BIRC6: variants seen among roughly 807,000 people sequenced by gnomAD.
BIRC6 encodes dual E2 ubiquitin-conjugating enzyme/E3 ubiquitin-protein ligase BIRC6.
In BIRC6, 98 loss-of-function variants were observed where a neutral mutation model predicts 503.3. That is an observed-to-expected ratio of 0.19 (90% CI 0.17 to 0.23). The LOEUF (loss-of-function observed/expected upper bound fraction) is 0.23, where lower values mean the gene tolerates loss of function less well. Among genes scored for constraint, BIRC6 ranks in the 10% least tolerant of loss-of-function variants. The pLI, the probability that BIRC6 is intolerant of heterozygous loss-of-function variation, is 1.00. For missense variants in BIRC6, 5,360 were observed against 5,806.0 expected (o/e 0.92, Z 2.50); for synonymous variants, 2,240 against 2,078.7 (o/e 1.08, Z -2.11).
rs1279549020 is a variant in BIRC6, at chr2:32,607,651, C to G, written c.14259+8C>G. ...TCACCATGTTTTAAAGAGGTATGTTCAATAAAATTAGTGAAATACTTTGTT... is the reference window on the plus strand; with the variant it reads ...TCACCATGTTTTAAAGAGGTATGTTGAATAAAATTAGTGAAATACTTTGTT... On this transcript the variant is annotated splice_region_variant and intron_variant, in intron 72 of 73. Coordinates refer to ENST00000421745, the MANE Select transcript of BIRC6 (RefSeq NM_016252.4). The G allele has an allele frequency of 6.3e-7, 1 of 1,587,836 alleles. No homozygotes were observed. The highest frequency in any genetic ancestry group is 8.6e-7 in the Non-Finnish European group (1 of 1,163,622).
chr2:32,414,619 AT>A (rs1298456387), intron 9 of BIRC6, 149 bp from the exon 10 acceptor site: 1 of 518,798 alleles, frequency 1.9e-6, no homozygotes, highest in Non-Finnish European at 3.0e-6. Context: ...GTGAGCCGAA[AT>A]TGCACCACTG....
intron 8 of BIRC6, among the ~76,000 whole-genome samples, chr2:32,405,571 C>G (rs2041109802): frequency 1.3e-5 from 2 of 152,054 alleles, no homozygotes; most frequent in African/African-American, 4.8e-5. Context: ...CTTTGGGAGA[C>G]CGAGGCGGGA....
intron 71 of BIRC6, among the ~76,000 whole-genome samples, chr2:32,603,410 T>A (rs934429125): frequency 6.6e-6 from 1 of 152,150 alleles, no homozygotes; most frequent in Non-Finnish European, 1.5e-5. Flanking sequence ...CTCTTACAGT[T>A]GTGCAGATGC....
chr2:32,595,489 A>G (rs1366921471), intron 68 of BIRC6, among the ~76,000 whole-genome samples: 1 of 152,206 alleles, frequency 6.6e-6, no homozygotes, highest in Non-Finnish European at 1.5e-5. Context: ...TAAGTCTGTT[A>G]CTCTTGCCAT....
At chr2:32,452,323 CA>C (rs778256371) in intron 22 of BIRC6, among the ~76,000 whole-genome samples, 8 of 151,922 alleles carry the variant, frequency 5.3e-5, no homozygotes, top group Non-Finnish European at 1.0e-4. Context: ...CTTCAGAAAA[CA>C]GTTATTTTTC....
chr2:32,392,590 A>C (rs568254922), intron 5 of BIRC6, among the ~76,000 whole-genome samples: 58 of 152,246 alleles, frequency 3.8e-4, no homozygotes, highest in African/African-American at 1.3e-3. Context: ...TATTTTCTTT[A>C]AGATTAGATA....
At chr2:32,440,146 G>C (rs976264637) in intron 16 of BIRC6, among the ~76,000 whole-genome samples, 1 of 152,184 alleles carries the variant, frequency 6.6e-6, no homozygotes, top group African/African-American at 2.4e-5. Context: ...TCAAAGTGCT[G>C]GGGTTACAGG....
intron 45 of BIRC6, among the ~76,000 whole-genome samples, chr2:32,497,850 G>A (rs2052658472): frequency 6.6e-6 from 1 of 151,902 alleles, no homozygotes; most frequent in Admixed American, 6.6e-5. Context: ...TCTAATACAA[G>A]CATTTGACAA....
chr2:32,417,227 G>T (rs763458678), intron 10 of BIRC6, among the ~76,000 whole-genome samples: 5 of 152,118 alleles, frequency 3.3e-5, no homozygotes, highest in Non-Finnish European at 5.9e-5. Flanking sequence ...CCTCCTGGGT[G>T]CAAGTAGTCC....
At chr2:32,509,247 A>G (rs1203337908) in intron 51 of BIRC6, among the ~76,000 whole-genome samples, 1 of 151,986 alleles carries the variant, frequency 6.6e-6, no homozygotes, top group African/African-American at 2.4e-5. Context: ...GTACTTTTGT[A>G]TGTGATTTAT....
At chr2:32,495,900 C>G (rs564008416) in intron 45 of BIRC6, among the ~76,000 whole-genome samples, 3 of 146,882 alleles carry the variant, frequency 2.0e-5, no homozygotes, top group Admixed American at 1.4e-4. Context: ...TGCAGTGGTA[C>G]GATCTCGGCT....
At chr2:32,526,737 G>A in intron 59 of BIRC6, 1 of 158,652 alleles carries the variant, frequency 6.3e-6, no homozygotes, top group South Asian at 1.7e-4. Flanking sequence ...GCCTCTTAAT[G>A]GTATGCTGAT....
At position 32,370,103 on chromosome 2, in the gene BIRC6, T is replaced by G. The variant is rs530590531; in HGVS notation, c.326-7485T>G. Among the ~76,000 whole-genome samples the G allele has an allele frequency of 8.0e-3, 1,201 of 149,640 alleles. 8 individuals are homozygous for G. The highest frequency in any genetic ancestry group is 0.021 in the Middle Eastern group (6 of 292). On this transcript the variant is annotated intron_variant, in intron 1 of 73. Transcript: ENST00000421745. ...ACACAGCACGCACGGGTGTGCCAAG[T>G]TCAGCATCCTAAAGGAATAATATAA...
chr2:32,414,481 A>G (rs781496638), intron 9 of BIRC6, among the ~76,000 whole-genome samples: 9 of 152,070 alleles, frequency 5.9e-5, no homozygotes, highest in Non-Finnish European at 4.4e-5. Context: ...ATCCTGGACA[A>G]CATGGTGAAA....
Position 32,491,517 on chromosome 2 carries a change from T to G in BIRC6, c.8299T>G (p.Ser2767Ala). Residue 2767 changes from serine (S) to alanine (A), a missense_variant, in exon 44 of 74, where the codon TCT becomes GCT. This residue lies in a region of BIRC6 where 2,299 missense variants were observed against 2,267.2 expected (regional missense o/e 1.01). Transcript: ENST00000421745. ...AATTCATGTATTAGTGAAATTTCTT[T>G]CTGGCACCAGTCCACATGGAACAAA... ...NLIHVLVKFL[S>A]GTSPHGTNQH... The G allele has an allele frequency of 3.1e-6, 5 of 1,613,732 alleles. No homozygotes were observed. The highest frequency in any genetic ancestry group is 4.2e-6 in the Non-Finnish European group (5 of 1,179,722).
At position 32,435,427 on chromosome 2, in the gene BIRC6, A is replaced by G. The variant is rs1307044241; in HGVS notation, c.3410-69A>G. The stretch of plus-strand genomic sequence containing the variant: ...TAAATCATTGATATTAAAGAAAATT[A>G]AGTTTACTAATATTTTTATCCTCTA... On this transcript the variant is annotated intron_variant, in intron 13 of 73. Transcript: ENST00000421745. 2.1e-6 allele frequency: 3 copies of G among 1,421,066 alleles called. No individual in the cohort carries two copies. The South Asian group carries it at 4.8e-5, about 23-fold the overall frequency. The allele number at this position is 1,421,066 out of a possible 1,614,324, so 88.0% of individuals were successfully genotyped here. A position where few individuals can be genotyped will look rare whatever the true frequency, so the allele number is the denominator to read the frequency against.
intron 55 of BIRC6, among the ~76,000 whole-genome samples, chr2:32,517,711 C>G (rs912568029): frequency 2.6e-5 from 4 of 152,070 alleles, no homozygotes; most frequent in African/African-American, 9.7e-5. Flanking sequence ...GTAGCTGGGA[C>G]TACTGGCACA....
chr2:32,375,292 A>G (rs1474627097), intron 1 of BIRC6, among the ~76,000 whole-genome samples: 1 of 152,030 alleles, frequency 6.6e-6, no homozygotes, highest in Admixed American at 6.6e-5. Context: ...TATAGTATTG[A>G]ATAGGAATGG....
chr2:32,507,256 C>T (rs1000961327), intron 50 of BIRC6, among the ~76,000 whole-genome samples: 2 of 152,064 alleles, frequency 1.3e-5, no homozygotes, highest in Admixed American at 6.6e-5. Context: ...ATGGCAAAAC[C>T]CTGTCTCTAC....
Sources: gnomAD v4.1 joint callset for allele counts (sites outside exome capture counted in the v4.1 genomes callset) on GRCh38, gnomAD v4.1.1 for gene constraint, gnomAD v4.1.1 regional missense constraint, MANE v1.5 for transcripts, NCBI Gene and HGNC (gene_info 2026-07-23, HGNC 2026-07-21) for gene names.